The following RGS7 variants were observed in gnomAD, a reference collection of about 807,000 sequenced individuals.
RGS7 encodes the protein regulator of G-protein signaling 7.
RGS7 carries 27 observed loss-of-function variants against 81.1 expected under a neutral mutation model. The ratio of observed to expected loss-of-function variants is 0.33; its 90% confidence interval spans 0.25 to 0.46. The LOEUF is 0.46. Ranked by LOEUF, RGS7 falls within the 20% of genes least tolerant of loss-of-function variation. The pLI is 1.00. For synonymous variants in RGS7, 208 were observed against 207.7 expected (o/e 1.00, Z -0.01); for missense variants, 396 against 607.4 (o/e 0.65, Z 3.66).
intron 3 of RGS7, among the ~76,000 whole-genome samples, chr1:241,096,822 T>C (rs1221618485): frequency 2.6e-5 from 4 of 152,176 alleles, no homozygotes; most frequent in South Asian, 2.1e-4. Flanking sequence ...GTTTAGCCTA[T>C]GTATTTTCAT....
chr1:241,117,738 G>C (rs2065971252), intron 2 of RGS7, among the ~76,000 whole-genome samples: 1 of 152,102 alleles, frequency 6.6e-6, no homozygotes, highest in African/African-American at 2.4e-5. Context: ...AACAACCCTA[G>C]GAAAAAGTAA....
chr1:240,888,131 G>C (rs1667687009), intron 6 of RGS7, among the ~76,000 whole-genome samples: 1 of 152,188 alleles, frequency 6.6e-6, no homozygotes. Flanking sequence ...GGGCAGAAAA[G>C]ACAGCACTGC....
chr1:241,159,923 G>A (rs1420252302), intron 2 of RGS7, among the ~76,000 whole-genome samples: 4 of 151,920 alleles, frequency 2.6e-5, no homozygotes, highest in Admixed American at 2.6e-4. Context: ...GCGTTTGGTA[G>A]AGCACTTACA....
At chr1:241,097,273 G>C (rs2064326687) in intron 3 of RGS7, among the ~76,000 whole-genome samples, 1 of 151,948 alleles carries the variant, frequency 6.6e-6, no homozygotes, top group Non-Finnish European at 1.5e-5. Context: ...GATGTAAAAA[G>C]TGCAAGGCAT....
chr1:240,988,701 T>G (rs1295692362), intron 3 of RGS7, among the ~76,000 whole-genome samples: 2 of 152,194 alleles, frequency 1.3e-5, no homozygotes, highest in Admixed American at 6.5e-5. Flanking sequence ...AGAGATGAAC[T>G]CCAGCCCAGC....
chr1:241,320,838 G>A (rs1350181365), intron 2 of RGS7, among the ~76,000 whole-genome samples: 1 of 152,138 alleles, frequency 6.6e-6, no homozygotes, highest in Non-Finnish European at 1.5e-5. Context: ...TGGGGTGTGG[G>A]GACAAGCCTT....
chr1:241,060,718 G>T (rs72758840), intron 3 of RGS7, among the ~76,000 whole-genome samples: 17,836 of 152,196 alleles, frequency 0.12, 1,437 homozygotes, highest in Non-Finnish European at 0.17. Flanking sequence ...GTGTCACTTA[G>T]CAGTATGATG....
chr1:240,857,488 G>A (rs537749487), intron 9 of RGS7, among the ~76,000 whole-genome samples: 1 of 151,978 alleles, frequency 6.6e-6, no homozygotes, highest in South Asian at 2.1e-4. Context: ...CCACCATTAA[G>A]GTATCTTACA....
intron 2 of RGS7, among the ~76,000 whole-genome samples, chr1:241,202,781 A>G (rs995005548): frequency 1.3e-4 from 19 of 143,174 alleles, no homozygotes; most frequent in African/African-American, 5.2e-4. Flanking sequence ...GGGCAGTTAG[A>G]GTAGTATTTT....
intron 10 of RGS7, 46 bp downstream of exon 10, chr1:240,827,052 C>T: frequency 6.9e-7 from 1 of 1,455,324 alleles, no homozygotes. Flanking sequence ...GTCCTGTAAA[C>T]AATGCAATCC....
intron 15 of RGS7, among the ~76,000 whole-genome samples, chr1:240,805,569 T>C (rs1222220599): frequency 6.6e-6 from 1 of 152,174 alleles, no homozygotes; most frequent in Non-Finnish European, 1.5e-5. Flanking sequence ...GAATCAGTTT[T>C]CCTTATTTTT....
At chr1:241,074,321 T>C (rs1383910383) in intron 3 of RGS7, among the ~76,000 whole-genome samples, 1 of 152,056 alleles carries the variant, frequency 6.6e-6, no homozygotes, top group African/African-American at 2.4e-5. Context: ...AACATAAAAA[T>C]AAAAATAACC....
intron 3 of RGS7, among the ~76,000 whole-genome samples, chr1:241,007,913 T>A (rs2058756791): frequency 6.6e-6 from 1 of 152,102 alleles, no homozygotes; most frequent in Non-Finnish European, 1.5e-5. Context: ...GGACAACAGG[T>A]GGTTTTAAGG....
At chr1:241,323,422 T>C (rs114142476) in intron 2 of RGS7, among the ~76,000 whole-genome samples, 1,942 of 152,316 alleles carry the variant, frequency 0.013, 14 homozygotes, top group Non-Finnish European at 0.02. Context: ...GTCTTCTCCT[T>C]CCTCCCTGAC....
chr1:241,050,814 T>C (rs1003455523), intron 3 of RGS7, among the ~76,000 whole-genome samples: 7 of 152,222 alleles, frequency 4.6e-5, no homozygotes, highest in African/African-American at 1.7e-4. Context: ...TTAATTTTAT[T>C]TTTTCTAGTT....
At chr1:240,883,297 T>C (rs765657347) in intron 6 of RGS7, among the ~76,000 whole-genome samples, 2 of 152,114 alleles carry the variant, frequency 1.3e-5, no homozygotes, top group Non-Finnish European at 2.9e-5. Context: ...AACCTGTACG[T>C]TGTGCACATG....
chr1:241,039,652 C>T (rs1390673668), intron 3 of RGS7, among the ~76,000 whole-genome samples: 1 of 151,904 alleles, frequency 6.6e-6, no homozygotes, highest in African/African-American at 2.4e-5. Flanking sequence ...CGAGTTTCAA[C>T]ACTTGGAAGT....
chr1:241,202,735 G>A (rs1035556535), intron 2 of RGS7, among the ~76,000 whole-genome samples: 1 of 152,122 alleles, frequency 6.6e-6, no homozygotes, highest in African/African-American at 2.4e-5. Context: ...AGTTCTTTAC[G>A]GCTAGTTTTT....
chr1:240,863,216 A>G (rs1572473073), intron 9 of RGS7, among the ~76,000 whole-genome samples: 1 of 152,136 alleles, frequency 6.6e-6, no homozygotes, highest in African/African-American at 2.4e-5. Context: ...GCTCATGCCT[A>G]TAATCCCAGC....
Sources: gnomAD v4.1 joint callset for allele counts (sites outside exome capture counted in the v4.1 genomes callset) on GRCh38, gnomAD v4.1.1 for gene constraint, MANE v1.5 for transcripts, NCBI Gene and HGNC (gene_info 2026-07-23, HGNC 2026-07-21) for gene names.